The following RANBP3L variants were observed in gnomAD, a reference collection of about 807,000 sequenced individuals.
The protein encoded by RANBP3L is RAN binding protein 3 like, also known as ran-binding protein 3-like.
In RANBP3L, 56 loss-of-function variants were observed where a neutral mutation model predicts 67.2. The ratio of observed to expected loss-of-function variants is 0.83; its 90% CI spans 0.67 to 1.04. RANBP3L has a LOEUF of 1.04. Among genes scored for constraint, RANBP3L ranks in the 50% least tolerant of loss-of-function variants. The pLI, the probability that RANBP3L is intolerant of heterozygous loss-of-function variation, is 0.00. For synonymous variants in RANBP3L, 164 were observed against 181.4 expected, an observed-to-expected ratio of 0.90 and a Z score of 0.77; for missense variants, 496 against 535.5, an observed-to-expected ratio of 0.93 and a Z score of 0.73.
At position 36,254,241 on chromosome 5, in the gene RANBP3L, GA is replaced by G. The variant is rs1413531979; in HGVS notation, c.1025-453del. On this transcript the variant is annotated intron_variant, in intron 11 of 13. Transcript: ENST00000296604. ...AAAAATCATGGTGTAATATGTAAAA[GA>G]AAAAATTAGGCTACAAAGCAAAATA... Among the ~76,000 whole-genome samples the G allele has an allele frequency of 1.8e-4, 27 of 151,944 alleles. No homozygotes were observed. The East Asian group carries it at 5.2e-3, about 29-fold the overall frequency.
At chr5:36,289,010 G>A (rs1280303047) in intron 1 of RANBP3L, among the ~76,000 whole-genome samples, 2 of 150,996 alleles carry the variant, frequency 1.3e-5, no homozygotes, top group Non-Finnish European at 3.0e-5. Context: ...CCTTTTTGAT[G>A]GTGAAGATAT....
intron 1 of RANBP3L, among the ~76,000 whole-genome samples, chr5:36,300,217 C>T (rs924936762): frequency 6.6e-6 from 1 of 152,300 alleles, no homozygotes; most frequent in South Asian, 2.1e-4. Context: ...CAGGACTTTA[C>T]ATTCTAGGGT....
intron 1 of RANBP3L, among the ~76,000 whole-genome samples, chr5:36,294,696 C>A (rs1382448104): frequency 6.6e-6 from 1 of 150,882 alleles, no homozygotes; most frequent in African/African-American, 2.4e-5. Flanking sequence ...TAGCATGTGT[C>A]AGAATTTCCT....
At chr5:36,287,002 C>A (rs1040070535) in intron 1 of RANBP3L, among the ~76,000 whole-genome samples, 2 of 152,110 alleles carry the variant, frequency 1.3e-5, no homozygotes, top group East Asian at 1.9e-4. Flanking sequence ...GAGCCCCAAC[C>A]TTTTGGCCCA....
At chr5:36,297,056 T>A (rs1299475144) in intron 1 of RANBP3L, among the ~76,000 whole-genome samples, 2 of 152,286 alleles carry the variant, frequency 1.3e-5, no homozygotes, top group African/African-American at 4.8e-5. Flanking sequence ...ATTTTGCATA[T>A]AACTTTTGCT....
intron 1 of RANBP3L, among the ~76,000 whole-genome samples, chr5:36,285,937 C>A (rs1019023213): frequency 2.0e-5 from 3 of 152,168 alleles, no homozygotes; most frequent in African/African-American, 7.2e-5. Flanking sequence ...GACCTGTACC[C>A]TGTACTTTTA....
intron 13 of RANBP3L, among the ~76,000 whole-genome samples, chr5:36,250,325 A>G (rs1043445715): frequency 1.3e-5 from 2 of 152,024 alleles, no homozygotes; most frequent in African/African-American, 4.8e-5. Context: ...AAAGTAGCAA[A>G]AAAAATCATA....
intron 1 of RANBP3L, among the ~76,000 whole-genome samples, chr5:36,279,903 C>G (rs1431281554): frequency 6.6e-6 from 1 of 152,086 alleles, no homozygotes; most frequent in Non-Finnish European, 1.5e-5. Flanking sequence ...TTCCTCTTTT[C>G]TCATCAATAC....
intron 12 of RANBP3L, among the ~76,000 whole-genome samples, chr5:36,253,019 T>C (rs1226586629): frequency 6.6e-6 from 1 of 152,024 alleles, no homozygotes; most frequent in Non-Finnish European, 1.5e-5. Context: ...GGGGAGGTTG[T>C]GGTTTTGTTT....
intron 1 of RANBP3L, among the ~76,000 whole-genome samples, chr5:36,274,208 G>C (rs908851343): frequency 6.6e-6 from 1 of 152,062 alleles, no homozygotes; most frequent in Non-Finnish European, 1.5e-5. Context: ...CTTTAACATG[G>C]ATAAAGCAGA....
chr5:36,249,402 TA>T lies in RANBP3L; in HGVS notation c.*251del, dbSNP rs564753434. The T allele has an allele frequency of 1.8e-3, 490 of 268,350 alleles. 4 individuals are homozygous for T. The highest frequency in any genetic ancestry group is 0.01 in the African/African-American group (465 of 45,398). The allele number at this position is 268,350 out of a possible 1,614,324, so 16.6% of individuals were successfully genotyped here. A position where few individuals can be genotyped will look rare whatever the true frequency, so the allele number is the denominator to read the frequency against. ...ATTAGTTATAAAATCCTATTCTAAA[TA>T]AACTTCTTCAAAAATGATAAATTTT... On this transcript the variant is annotated 3_prime_UTR_variant, in exon 14 of 14. Transcript: ENST00000296604.
intron 1 of RANBP3L, among the ~76,000 whole-genome samples, chr5:36,272,741 T>C (rs571314632): frequency 3.3e-5 from 5 of 152,250 alleles, no homozygotes; most frequent in East Asian, 1.9e-4. Flanking sequence ...ACCTCCCGGA[T>C]TGAAGCGATT....
intron 1 of RANBP3L, among the ~76,000 whole-genome samples, chr5:36,272,094 A>C (rs544981338): frequency 6.6e-6 from 1 of 151,580 alleles, no homozygotes; most frequent in East Asian, 1.9e-4. Context: ...CTACTTTGGG[A>C]AACAATGTAT....
intron 1 of RANBP3L, among the ~76,000 whole-genome samples, chr5:36,276,065 A>T (rs1397706549): frequency 6.6e-6 from 1 of 152,202 alleles, no homozygotes; most frequent in African/African-American, 2.4e-5. Flanking sequence ...TATCCTGCCC[A>T]GCAAGCATAC....
chr5:36,266,142 T>C (rs547005627), intron 4 of RANBP3L, among the ~76,000 whole-genome samples: 2 of 152,276 alleles, frequency 1.3e-5, no homozygotes, highest in Admixed American at 1.3e-4. Flanking sequence ...CTACAAAATC[T>C]GAATTGGTAA....
intron 1 of RANBP3L, among the ~76,000 whole-genome samples, chr5:36,290,223 C>T (rs200922111): frequency 0.052 from 1,859 of 35,602 alleles, 170 homozygotes; most frequent in East Asian, 0.28. Flanking sequence ...CTCTGTCTCA[C>T]CTTTTTTTTT....
intron 4 of RANBP3L, among the ~76,000 whole-genome samples, chr5:36,266,515 G>T (rs1749798977): frequency 6.6e-6 from 1 of 151,940 alleles, no homozygotes; most frequent in African/African-American, 2.4e-5. Flanking sequence ...TGTTTTTTAT[G>T]ATCTTTATTA....
chr5:36,263,524 C>T (rs1315706237), intron 6 of RANBP3L, among the ~76,000 whole-genome samples: 1 of 148,066 alleles, frequency 6.8e-6, no homozygotes, highest in Non-Finnish European at 1.5e-5. Context: ...ATTATACTTT[C>T]TATTACATAA....
intron 1 of RANBP3L, among the ~76,000 whole-genome samples, chr5:36,295,016 C>T (rs1752105137): frequency 6.6e-6 from 1 of 150,744 alleles, no homozygotes; most frequent in Non-Finnish European, 1.5e-5. Flanking sequence ...TTTTGTTGAT[C>T]CATTCGTTTG....
Sources: gnomAD v4.1 joint callset for allele counts (sites outside exome capture counted in the v4.1 genomes callset) on GRCh38, gnomAD v4.1.1 for gene constraint, MANE v1.5 for transcripts, NCBI Gene and HGNC (gene_info 2026-07-23, HGNC 2026-07-21) for gene names.